Variants in LRRTM4 observed in about 807,000 individuals in gnomAD.
LRRTM4 encodes the protein leucine-rich repeat transmembrane neuronal protein 4.
LRRTM4 carries 25 observed loss-of-function variants against 47.6 expected under a neutral mutation model. That is an observed-to-expected ratio of 0.53 (90% CI 0.38 to 0.73). The LOEUF is 0.73. LRRTM4 is among the 30% of genes least tolerant of loss of function. The pLI, the probability that LRRTM4 is intolerant of heterozygous loss-of-function variation, is 0.00. For missense variants in LRRTM4, 638 were observed against 713.4 expected (o/e 0.89, Z 1.20); for synonymous variants, 311 against 269.5 (o/e 1.15, Z -1.51).
At chr2:76,776,054 A>C (rs1187109826) in intron 3 of LRRTM4, among the ~76,000 whole-genome samples, 4 of 152,054 alleles carry the variant, frequency 2.6e-5, no homozygotes, top group African/African-American at 7.2e-5. Context: ...GATGATTTCC[A>C]ATTTCATCCA....
chr2:77,317,255 T>G (rs996802989), intron 3 of LRRTM4, among the ~76,000 whole-genome samples: 3 of 152,186 alleles, frequency 2.0e-5, no homozygotes, highest in Non-Finnish European at 4.4e-5. Flanking sequence ...ATTTGCAGTT[T>G]TTTGCAATTT....
intron 3 of LRRTM4, among the ~76,000 whole-genome samples, chr2:76,981,144 G>T (rs1676594384): frequency 6.6e-6 from 1 of 152,074 alleles, no homozygotes; most frequent in African/African-American, 2.4e-5. Context: ...ACACTAAAAA[G>T]TGATAGTGTT....
chr2:76,767,994 C>T (rs757119622), intron 3 of LRRTM4, among the ~76,000 whole-genome samples: 1 of 151,948 alleles, frequency 6.6e-6, no homozygotes, highest in Non-Finnish European at 1.5e-5. Flanking sequence ...AGTGCCAGTC[C>T]CTTGAAATGA....
At chr2:76,929,294 C>T (rs372278120) in intron 3 of LRRTM4, among the ~76,000 whole-genome samples, 1 of 152,260 alleles carries the variant, frequency 6.6e-6, no homozygotes, top group East Asian at 1.9e-4. Context: ...CAAACTAACG[C>T]CCATGAACCA....
intron 3 of LRRTM4, among the ~76,000 whole-genome samples, chr2:77,479,795 C>A (rs1472743575): frequency 2.0e-5 from 3 of 151,720 alleles, no homozygotes; most frequent in Non-Finnish European, 2.9e-5. Context: ...CTTTCTCTTT[C>A]TCTCTCTCTT....
intron 3 of LRRTM4, among the ~76,000 whole-genome samples, chr2:76,995,663 G>A (rs569656279): frequency 6.6e-5 from 10 of 152,122 alleles, no homozygotes; most frequent in Admixed American, 6.6e-4. Context: ...GAAAGCTGGA[G>A]GGAATAGAGA....
chr2:76,934,640 C>G (rs752032794), intron 3 of LRRTM4, among the ~76,000 whole-genome samples: 4 of 152,082 alleles, frequency 2.6e-5, no homozygotes, highest in Non-Finnish European at 4.4e-5. Context: ...GTACGATGTC[C>G]CTGAACATGG....
intron 3 of LRRTM4, among the ~76,000 whole-genome samples, chr2:77,144,868 G>A (rs963393563): frequency 4.6e-5 from 7 of 152,112 alleles, no homozygotes; most frequent in Admixed American, 1.3e-4. Context: ...CTGTTGTAAG[G>A]ACCACTAGAA....
chr2:77,395,632 A>G (rs1242853258), intron 3 of LRRTM4, among the ~76,000 whole-genome samples: 1 of 151,932 alleles, frequency 6.6e-6, no homozygotes, highest in South Asian at 2.1e-4. Context: ...TGCTTTCTTC[A>G]TATTTAGGTT....
intron 3 of LRRTM4, among the ~76,000 whole-genome samples, chr2:77,471,131 G>A (rs111817213): frequency 6.6e-6 from 1 of 152,036 alleles, no homozygotes; most frequent in Non-Finnish European, 1.5e-5. Context: ...TGCATTTCAA[G>A]TGTGCATCTA....
At chr2:76,982,803 T>C (rs1180314372) in intron 3 of LRRTM4, among the ~76,000 whole-genome samples, 1 of 152,002 alleles carries the variant, frequency 6.6e-6, no homozygotes, top group African/African-American at 2.4e-5. Flanking sequence ...CACTTGCCAA[T>C]TAAAAATAGG....
intron 3 of LRRTM4, among the ~76,000 whole-genome samples, chr2:77,373,886 A>AT (rs987730195): frequency 6.6e-6 from 1 of 151,738 alleles, no homozygotes; most frequent in Non-Finnish European, 1.5e-5. Context: ...AAAAGCCTAT[A>AT]TTTTTTTCTT....
chr2:77,327,787 G>C (rs1400063716), intron 3 of LRRTM4, among the ~76,000 whole-genome samples: 1 of 151,572 alleles, frequency 6.6e-6, no homozygotes, highest in Admixed American at 6.6e-5. Flanking sequence ...TGTGTAGAAA[G>C]AAAAATGTAA....
chr2:76,976,130 T>C (rs1676410685), intron 3 of LRRTM4, among the ~76,000 whole-genome samples: 1 of 151,842 alleles, frequency 6.6e-6, no homozygotes, highest in Admixed American at 6.6e-5. Flanking sequence ...AATCTGTTTT[T>C]AGACATGCTC....
At chr2:77,044,013 T>C (rs368279451) in intron 3 of LRRTM4, among the ~76,000 whole-genome samples, 2 of 151,734 alleles carry the variant, frequency 1.3e-5, no homozygotes, top group Non-Finnish European at 3.0e-5. Context: ...GAGGATTTCC[T>C]CATTTCCTCC....
At chr2:77,072,815 A>AAAAC (rs1680202792) in intron 3 of LRRTM4, among the ~76,000 whole-genome samples, 1 of 151,516 alleles carries the variant, frequency 6.6e-6, no homozygotes, top group Admixed American at 6.6e-5. Context: ...AAAAAAAAAA[A>AAAAC]AAAAAAAACA....
chr2:77,324,144 G>A (rs1670661351), intron 3 of LRRTM4, among the ~76,000 whole-genome samples: 1 of 151,974 alleles, frequency 6.6e-6, no homozygotes. Context: ...AGGCTTAAAT[G>A]GTTGCAATAT....
chr2:77,490,418 G>A (rs150737090), intron 3 of LRRTM4, among the ~76,000 whole-genome samples: 87 of 151,922 alleles, frequency 5.7e-4, no homozygotes, highest in Non-Finnish European at 1.1e-3. Flanking sequence ...TAAAACTAAA[G>A]CTAAATGTAA....
intron 3 of LRRTM4, among the ~76,000 whole-genome samples, chr2:77,136,810 C>A (rs1215850164): frequency 6.6e-6 from 1 of 151,874 alleles, no homozygotes; most frequent in Non-Finnish European, 1.5e-5. Flanking sequence ...AACAATGGCA[C>A]ACGAACTATG....
Sources: gnomAD v4.1 joint callset for allele counts (sites outside exome capture counted in the v4.1 genomes callset) on GRCh38, gnomAD v4.1.1 for gene constraint, MANE v1.5 for transcripts, NCBI Gene and HGNC (gene_info 2026-07-23, HGNC 2026-07-21) for gene names.